The following LRRC28 variants were observed in gnomAD, a reference collection of about 807,000 sequenced individuals.
LRRC28 encodes the protein leucine-rich repeat-containing protein 28.
In LRRC28, 39 loss-of-function variants were observed where a neutral mutation model predicts 45.7. That is an observed-to-expected ratio of 0.85 (90% CI 0.66 to 1.12). LRRC28 has a LOEUF of 1.12. Among genes scored for constraint, LRRC28 ranks in the 50% most tolerant of loss-of-function variants. LRRC28 has a pLI of 0.00. For synonymous variants in LRRC28, 206 were observed against 178.8 expected, an observed-to-expected ratio of 1.15 and a Z score of -1.22; for missense variants, 435 against 438.5, an observed-to-expected ratio of 0.99 and a Z score of 0.07.
At chr15:99,290,824 C>T (rs778797010) in intron 5 of LRRC28, among the ~76,000 whole-genome samples, 10 of 151,984 alleles carry the variant, frequency 6.6e-5, no homozygotes, top group East Asian at 5.8e-4. Context: ...AAAAATTAGC[C>T]GTGCATGGTG....
At chr15:99,365,873 G>A (rs1332023372) in intron 9 of LRRC28, among the ~76,000 whole-genome samples, 2 of 152,138 alleles carry the variant, frequency 1.3e-5, no homozygotes, top group Admixed American at 1.3e-4. Context: ...TTATAGCAAA[G>A]AAGAATAGCT....
intron 3 of LRRC28, chr15:99,286,902 CT>C (rs1318313765): frequency 5.8e-6 from 1 of 171,258 alleles, no homozygotes; most frequent in East Asian, 1.6e-4. Flanking sequence ...GTTGATTTTT[CT>C]TCACACAGTA....
chr15:99,259,159 T>C, intron 2 of LRRC28: 2 of 1,299,126 alleles, frequency 1.5e-6, no homozygotes, highest in Non-Finnish European at 2.2e-6. Context: ...TCCAGTCTTC[T>C]CATCATCCAG....
chr15:99,301,325 A>G (rs1954961340), intron 5 of LRRC28, among the ~76,000 whole-genome samples: 1 of 152,226 alleles, frequency 6.6e-6, no homozygotes, highest in South Asian at 2.1e-4. Context: ...AGCTTCATAA[A>G]TCAGAGTTAC....
chr15:99,324,180 G>C (rs899363672), intron 5 of LRRC28, among the ~76,000 whole-genome samples: 11 of 152,230 alleles, frequency 7.2e-5, no homozygotes, highest in Non-Finnish European at 1.5e-4. Context: ...AGTGACTAAT[G>C]GGCGAGGAGG....
chr15:99,262,133 C>T (rs1012129632), intron 2 of LRRC28, among the ~76,000 whole-genome samples: 2 of 151,926 alleles, frequency 1.3e-5, no homozygotes, highest in Non-Finnish European at 2.9e-5. Flanking sequence ...ACATATTTCT[C>T]TGGAAGTCTC....
In LRRC28 at chr15:99,287,861, GC is replaced by G. The variant is rs1322177012; in HGVS notation, c.297del (p.Leu100Ter). ...CCAATGTCTGGATCTTAGTGACAAT[GC>G]CTTAGAAATTGTTTGCCCAGAAATT... is the stretch of plus-strand genomic sequence containing the variant. ...KLQCLDLSDN[A>X]LEIVCPEIGR... is the part of the protein sequence containing the mutation. On this transcript the variant is annotated frameshift_variant, in exon 5 of 10. Transcript: ENST00000301981. LOFTEE classifies it high-confidence loss of function. 1 of 1,613,722 alleles carries G rather than the reference GC, an allele frequency of 6.2e-7. No individual in the cohort carries two copies.
intron 6 of LRRC28, among the ~76,000 whole-genome samples, chr15:99,346,052 G>T (rs1426150777): frequency 6.6e-6 from 1 of 152,156 alleles, no homozygotes; most frequent in Non-Finnish European, 1.5e-5. Flanking sequence ...TGTAGTCATG[G>T]CTCACTGCAG....
rs539976550 is a variant in LRRC28 at position 99,389,631 on chromosome 15, ACT to A, written c.*3532_*3533del. ...GACTCATAAACACACTCTCTTTAAG[ACT>A]CTTCTTTAAATGGATCCTTACATTA... On this transcript the variant is annotated 3_prime_UTR_variant, in exon 10 of 10. Coordinates refer to ENST00000301981, the MANE Select transcript of LRRC28 (RefSeq NM_144598.5). The A allele has an allele frequency of 2.0e-4, 30 of 151,506 alleles. No homozygotes were observed. Among genetic ancestry groups the A allele is most frequent in the African/African-American group, 7.3e-4 (30 of 41,242 alleles). The allele number at this position is 151,506 out of a possible 1,614,324, so 9.4% of individuals were successfully genotyped here. A position where few individuals can be genotyped will look rare whatever the true frequency, so the allele number is the denominator to read the frequency against.
chr15:99,359,872 A>G (rs1957150957), intron 7 of LRRC28, among the ~76,000 whole-genome samples: 1 of 152,200 alleles, frequency 6.6e-6, no homozygotes. Context: ...TAACAGAGAA[A>G]GCCACTGGCT....
At chr15:99,346,374 C>T (rs566877044) in intron 6 of LRRC28, among the ~76,000 whole-genome samples, 1 of 152,272 alleles carries the variant, frequency 6.6e-6, no homozygotes, top group East Asian at 1.9e-4. Context: ...CTTGCTGTTT[C>T]CCAAGCTGAT....
At chr15:99,314,436 TC>T (rs777384870) in intron 5 of LRRC28, among the ~76,000 whole-genome samples, 18,631 of 125,546 alleles carry the variant, frequency 0.15, 1,245 homozygotes, top group Non-Finnish European at 0.17. Context: ...AGACCTTGTC[TC>T]TAAATAAATA....
At chr15:99,274,389 T>G (rs148672571) in intron 2 of LRRC28, among the ~76,000 whole-genome samples, 23 of 152,316 alleles carry the variant, frequency 1.5e-4, no homozygotes, top group Middle Eastern at 3.4e-3. Context: ...AGCTAGTCCT[T>G]AGTATAAAAT....
intron 5 of LRRC28, among the ~76,000 whole-genome samples, chr15:99,308,021 G>A (rs897078280): frequency 1.3e-5 from 2 of 152,302 alleles, no homozygotes; most frequent in Admixed American, 1.3e-4. Flanking sequence ...GACGAGTTAG[G>A]AATCTGCCAA....
chr15:99,386,329 T>C lies in LRRC28; in HGVS notation c.*227T>C. On this transcript the variant is annotated 3_prime_UTR_variant, in exon 10 of 10. Transcript: ENST00000301981. ...GTCTTCTGTGTTTTTCCTTTTTATGTGAGTGTGTCTTTTACAGAAACCATT... is the reference window on the plus strand; with the variant it reads ...GTCTTCTGTGTTTTTCCTTTTTATGCGAGTGTGTCTTTTACAGAAACCATT... 2.1e-6 allele frequency: 1 copy of C among 478,730 alleles called. No individual in the cohort carries two copies. The highest frequency in any genetic ancestry group is 3.7e-6 in the Non-Finnish European group (1 of 269,044). The allele number at this position is 478,730 out of a possible 1,614,324, so 29.7% of individuals were successfully genotyped here.
chr15:99,330,264 G>A (rs747964205), intron 5 of LRRC28, among the ~76,000 whole-genome samples: 3 of 152,058 alleles, frequency 2.0e-5, no homozygotes, highest in African/African-American at 4.8e-5. Flanking sequence ...TTGGTTGATT[G>A]TGTAGTTTTA....
At chr15:99,295,431 T>G (rs764417763) in intron 5 of LRRC28, among the ~76,000 whole-genome samples, 7 of 152,204 alleles carry the variant, frequency 4.6e-5, no homozygotes, top group Non-Finnish European at 1.0e-4. Context: ...TAAAGGATTG[T>G]TGGGGAAAGG....
chr15:99,362,994 C>T (rs1391251717), intron 8 of LRRC28, 112 bp from the exon 9 acceptor site: 2 of 1,170,248 alleles, frequency 1.7e-6, no homozygotes, highest in Non-Finnish European at 2.4e-6. Context: ...GAATTTTCAA[C>T]ATGAAGTACT....
chr15:99,328,343 A>C (rs1329786329), intron 5 of LRRC28, among the ~76,000 whole-genome samples: 1 of 152,248 alleles, frequency 6.6e-6, no homozygotes, highest in Admixed American at 6.5e-5. Context: ...ACAATTGTGA[A>C]AGATCAAAAT....
Sources: allele counts gnomAD v4.1 joint callset (sites outside exome capture counted in the v4.1 genomes callset), GRCh38; gene constraint gnomAD v4.1.1; transcripts MANE v1.5; gene names NCBI Gene and HGNC (gene_info 2026-07-23, HGNC 2026-07-21).